TICRR: variants seen among roughly 807,000 people sequenced by gnomAD.
TICRR encodes treslin.
TICRR carries 132 observed loss-of-function variants against 178.1 expected under a neutral mutation model. The observed-to-expected ratio is 0.74, with a 90% CI of 0.64 to 0.86. TICRR has a LOEUF of 0.86. TICRR is among the 40% of genes least tolerant of loss of function. The pLI, the probability that TICRR is intolerant of heterozygous loss-of-function variation, is 0.00. For missense variants in TICRR, 2,587 were observed against 2,334.3 expected, an observed-to-expected ratio of 1.11 and a Z score of -2.23; for synonymous variants, 991 against 900.7, an observed-to-expected ratio of 1.10 and a Z score of -1.79.
intron 15 of TICRR, among the ~76,000 whole-genome samples, chr15:89,610,645 A>G (rs1215940269): frequency 6.6e-6 from 1 of 152,100 alleles, no homozygotes; most frequent in Admixed American, 6.5e-5. Context: ...TTTTTAATCC[A>G]TTCTTCTTAT....
intron 1 of TICRR, among the ~76,000 whole-genome samples, chr15:89,578,743 A>G (rs1048967835): frequency 2.0e-5 from 3 of 151,638 alleles, no homozygotes; most frequent in Non-Finnish European, 4.4e-5. Context: ...CCGTCGACTG[A>G]GGGGATGGGT....
chr15:89,582,740 C>G lies in TICRR; in HGVS notation c.709C>G (p.His237Asp), dbSNP rs779928202. Reference protein sequence around the residue: ...GYWTVCELLHHGGGTVLPSES... With the variant: ...GYWTVCELLHDGGGTVLPSES... ...CTGGACTGTTTGTGAACTGCTCCAC[C>G]ACGGAGGTGGCACTGTCTTGCCATC... Residue 237 changes from histidine to aspartate, a missense_variant, in exon 2 of 22, where the codon CAC becomes GAC. Physicochemically the swap from His to Asp is moderately conservative, Grantham distance 81. Transcript: ENST00000268138. 2.0e-5 allele frequency: 32 copies of G among 1,614,066 alleles called. No individual in the cohort carries two copies. The highest frequency in any genetic ancestry group is 2.5e-5 in the Non-Finnish European group (30 of 1,180,044).
Position 89,585,910 on chromosome 15 carries a change from C to G in TICRR, c.1379C>G (p.Thr460Ser). ...SDVVDSILNQ[T>S]HDSLADTASA... ...GTTGTGGATAGTATATTGAATCAGA[C>G]TCATGATTCGCTTGCAGATACTGCT... Residue 460 changes from threonine to serine, a missense_variant, in exon 4 of 22, where the codon ACT (threonine) becomes AGT (serine). Coordinates refer to ENST00000268138, the MANE Select transcript of TICRR (RefSeq NM_152259.4). 6.2e-7 allele frequency: 1 copy of G among 1,614,018 alleles called. No homozygotes were observed. Among genetic ancestry groups the G allele is most frequent in the Non-Finnish European group, 8.5e-7 (1 of 1,179,886 alleles).
intron 17 of TICRR, among the ~76,000 whole-genome samples, chr15:89,619,295 C>T (rs748763268): frequency 5.1e-4 from 71 of 138,688 alleles, no homozygotes; most frequent in Non-Finnish European, 8.5e-4. Context: ...GCATGCTCTC[C>T]GCTCACTGCA....
chr15:89,591,835 T>A (rs1284632120), intron 4 of TICRR: 1 of 411,836 alleles, frequency 2.4e-6, no homozygotes, highest in African/African-American at 2.0e-5. Flanking sequence ...AACAAAAGAC[T>A]TTAAATTGTG....
intron 15 of TICRR, among the ~76,000 whole-genome samples, chr15:89,615,928 A>T (rs1170716644): frequency 2.6e-5 from 4 of 151,078 alleles, no homozygotes; most frequent in Non-Finnish European, 4.4e-5. Flanking sequence ...TCTGTTGCCC[A>T]GGCTGGAGTG....
intron 4 of TICRR, among the ~76,000 whole-genome samples, chr15:89,586,292 T>C (rs1001723399): frequency 1.3e-5 from 2 of 152,182 alleles, no homozygotes; most frequent in Admixed American, 1.3e-4. Flanking sequence ...CTAGCATAAA[T>C]AAGGTTTGTA....
chr15:89,619,854 G>T lies in TICRR; in HGVS notation c.3154+12G>T. 2 of 1,599,730 alleles carry T rather than the reference G, an allele frequency of 1.3e-6. No individual in the cohort carries two copies. Among genetic ancestry groups the T allele is most frequent in the Non-Finnish European group, 1.7e-6 (2 of 1,175,142 alleles). On this transcript the variant is annotated intron_variant, in intron 18 of 21. Transcript: ENST00000268138. ...GCAAGATAAGTCAGGTAACATACGGGCCCCTCTGCCTTCACAAGTCCGTGC... is the reference window on the plus strand; with the variant it reads ...GCAAGATAAGTCAGGTAACATACGGTCCCCTCTGCCTTCACAAGTCCGTGC...
Position 89,625,997 on chromosome 15 carries a change from T to A in TICRR, c.5538T>A (p.Ala1846=). ...GCCTCTCTGCCAGTGCCCTCCAGGC[T>A]CTGACCCAGTCTCCGCTGCTGTTCC... is the stretch of plus-strand genomic sequence containing the variant. The part of the protein sequence containing the change: ...RSCLSASALQ[A]LTQSPLLFQG... Residue 1846 remains alanine, a synonymous_variant, in exon 21 of 22, where the codon GCT becomes GCA. Transcript: ENST00000268138. The A allele has an allele frequency of 1.2e-6, 2 of 1,611,508 alleles. No homozygotes were observed. Among genetic ancestry groups the A allele is most frequent in the Non-Finnish European group, 1.7e-6 (2 of 1,178,728 alleles).
chr15:89,609,075 C>T, intron 15 of TICRR, 126 bp downstream of exon 15: 1 of 493,300 alleles, frequency 2.0e-6, no homozygotes, highest in Non-Finnish European at 3.2e-6. Context: ...TTCAGTCTAG[C>T]TAAAGGTTTG....
Position 89,585,888 on chromosome 15 carries a change from G to A in TICRR, c.1357G>A (p.Val453Met), listed in dbSNP as rs1414708156. ...RDTASLFSDV[V>M]DSILNQTHDS... is the part of the protein sequence containing the mutation. ...CACAGCTTCCCTTTTCTCAGATGTTGTGGATAGTATATTGAATCAGACTCA... is the reference window on the plus strand; with the variant it reads ...CACAGCTTCCCTTTTCTCAGATGTTATGGATAGTATATTGAATCAGACTCA... Residue 453 changes from valine to methionine, a missense_variant, in exon 4 of 22, where the codon GTG (valine) becomes ATG (methionine). By Grantham distance (21) the Val-to-Met change is conservative. Transcript: ENST00000268138. 2 of 1,614,152 alleles carry A rather than the reference G, an allele frequency of 1.2e-6. No individual in the cohort carries two copies. The highest frequency in any genetic ancestry group is 2.2e-5 in the East Asian group (1 of 44,886).
chr15:89,599,524 G>C (rs777579297), intron 8 of TICRR, 49 bp downstream of exon 8: 26 of 1,572,910 alleles, frequency 1.7e-5, no homozygotes, highest in Non-Finnish European at 2.2e-5. Context: ...GTGGTTGGTT[G>C]GTTGGTTGGT....
rs1962753355 is a variant in TICRR at position 89,582,886 on chromosome 15, A to G, written c.855A>G (p.Leu285=). 5 of 1,614,126 alleles carry G rather than the reference A, an allele frequency of 3.1e-6. No homozygotes were observed. Among genetic ancestry groups the G allele is most frequent in the Non-Finnish European group, 4.2e-6 (5 of 1,180,010 alleles). The change falls in exon 2 of 22, where the codon TTA becomes TTG. Residue 285 remains leucine, a synonymous_variant. Transcript: ENST00000268138. ...CAATGCTGCCAACTGATGCCACTTT[A>G]AACCGTTTGCTCTACAATTCTCCTG... The part of the protein sequence containing the change: ...WISMLPTDAT[L]NRLLYNSPEY...
chr15:89,586,109 C>G (rs1247366147), intron 4 of TICRR, among the ~76,000 whole-genome samples, 167 bp downstream of exon 4: 2 of 152,044 alleles, frequency 1.3e-5, no homozygotes, highest in African/African-American at 4.8e-5. Flanking sequence ...TATAGAATTC[C>G]TTAAGTACTT....
chr15:89,585,999 C>A lies in TICRR; in HGVS notation c.1411+57C>A. 6 of 1,343,468 alleles carry A rather than the reference C, an allele frequency of 4.5e-6. No individual in the cohort carries two copies. The South Asian group carries it at 4.8e-5, about 11-fold the overall frequency. 83.2% of individuals were successfully genotyped at this position (1,343,468 alleles called of 1,614,324 possible). A position where few individuals can be genotyped will look rare whatever the true frequency, so the allele number is the denominator to read the frequency against. Reference sequence around the variant, plus strand: ...TAGGGTGGTTTGCAGTCTTTTCAAGCATCGGGACTTTTTCACTGTGCAGTT... The same window carrying A: ...TAGGGTGGTTTGCAGTCTTTTCAAGAATCGGGACTTTTTCACTGTGCAGTT... On this transcript the variant is annotated intron_variant, in intron 4 of 21. Transcript: ENST00000268138.
intron 1 of TICRR, among the ~76,000 whole-genome samples, chr15:89,578,652 C>A (rs77505202): frequency 0.031 from 4,145 of 135,188 alleles, 186 homozygotes; most frequent in African/African-American, 0.1. Context: ...TTTAATCTCT[C>A]TCTCTCTTTT....
rs549006371 is a variant in TICRR at position 89,623,977 on chromosome 15, C to T, written c.3667C>T (p.Pro1223Ser). 6.6e-5 allele frequency: 107 copies of T among 1,613,932 alleles called. No individual in the cohort carries two copies. The South Asian group carries it at 1.0e-3, about 16-fold the overall frequency. Reference protein sequence around the residue: ...PHSVNSSPESPSCPAPPTSST... With the variant: ...PHSVNSSPESSSCPAPPTSST... ...TTCAGTGAATTCCAGTCCAGAAAGCCCCTCCTGTCCAGCCCCTCCAACTTC... is the reference window on the plus strand; with the variant it reads ...TTCAGTGAATTCCAGTCCAGAAAGCTCCTCCTGTCCAGCCCCTCCAACTTC... The change falls in exon 20 of 22, where the codon CCC becomes TCC. Residue 1223 changes from proline to serine, a missense_variant. Pro to Ser is a moderately conservative substitution (Grantham distance 74, BLOSUM62 -1). Coordinates refer to ENST00000268138, the MANE Select transcript of TICRR (RefSeq NM_152259.4).
At chr15:89,591,391 T>G (rs964438928) in intron 4 of TICRR, 14 of 152,158 alleles carry the variant, frequency 9.2e-5, no homozygotes, top group African/African-American at 2.6e-4. Flanking sequence ...CCCAAAATGC[T>G]GGGATTACAG....
intron 16 of TICRR, among the ~76,000 whole-genome samples, chr15:89,617,447 T>C (rs1027437924): frequency 6.6e-6 from 1 of 152,212 alleles, no homozygotes; most frequent in Non-Finnish European, 1.5e-5. Context: ...TTTTTTAATA[T>C]ATTAATGGGG....
Sources: allele counts gnomAD v4.1 joint callset (sites outside exome capture counted in the v4.1 genomes callset), GRCh38; gene constraint gnomAD v4.1.1; transcripts MANE v1.5; gene names NCBI Gene and HGNC (gene_info 2026-07-23, HGNC 2026-07-21).